EYS: variants seen among roughly 807,000 people sequenced by gnomAD.
EYS encodes protein eyes shut homolog.
Under a neutral mutation model 282.1 loss-of-function variants are expected in EYS, and 250 were observed. The ratio of observed to expected loss-of-function variants is 0.89; its 90% CI spans 0.80 to 0.98. The LOEUF (loss-of-function observed/expected upper bound fraction) is 0.98, where lower values mean the gene tolerates loss of function less well. Among genes scored for constraint, EYS ranks in the 50% least tolerant of loss-of-function variants. The pLI is 0.00. For missense variants in EYS, 4,016 were observed against 3,709.0 expected (o/e 1.08, Z -2.15); for synonymous variants, 1,355 against 1,282.9 (o/e 1.06, Z -1.20).
intron 31 of EYS, among the ~76,000 whole-genome samples, chr6:64,229,526 TC>T (rs778199892): frequency 1.3e-5 from 2 of 152,214 alleles, no homozygotes; most frequent in Non-Finnish European, 1.5e-5. Flanking sequence ...TAGTGATGTA[TC>T]TTCAGAGCAT....
At chr6:64,895,619 G>A (rs1288922438) in intron 18 of EYS, among the ~76,000 whole-genome samples, 2 of 152,174 alleles carry the variant, frequency 1.3e-5, no homozygotes, top group African/African-American at 4.8e-5. Flanking sequence ...TAAAGCAACA[G>A]AACAGCAATA....
chr6:65,122,334 G>GT (rs1303935216), intron 12 of EYS, among the ~76,000 whole-genome samples: 15 of 152,034 alleles, frequency 9.9e-5, no homozygotes, highest in Admixed American at 9.2e-4. Context: ...CACCCCACTT[G>GT]TTTTTTCCTA....
intron 29 of EYS, among the ~76,000 whole-genome samples, chr6:64,320,502 A>G (rs187393539): frequency 6.6e-6 from 1 of 151,708 alleles, no homozygotes; most frequent in African/African-American, 2.4e-5. Flanking sequence ...TTTTATCTTT[A>G]GATGTTCTAC....
intron 5 of EYS, among the ~76,000 whole-genome samples, chr6:65,452,973 T>C (rs1764461193): frequency 6.6e-6 from 1 of 152,014 alleles, no homozygotes; most frequent in African/African-American, 2.4e-5. Flanking sequence ...ACAGACAAGC[T>C]CCGTAAGGTT....
intron 22 of EYS, among the ~76,000 whole-genome samples, chr6:64,671,870 CATTATT>C (rs894797664): frequency 6.6e-6 from 1 of 151,840 alleles, no homozygotes; most frequent in African/African-American, 2.4e-5. Flanking sequence ...CCAAAAACAA[CATTATT>C]ATTAAGTATG....
intron 22 of EYS, among the ~76,000 whole-genome samples, chr6:64,708,204 A>G (rs1771097367): frequency 6.6e-6 from 1 of 152,252 alleles, no homozygotes; most frequent in Admixed American, 6.5e-5. Context: ...TCTAGCTTAA[A>G]TAATTGGTTG....
intron 12 of EYS, among the ~76,000 whole-genome samples, chr6:65,121,047 T>C (rs1361654072): frequency 2.0e-5 from 3 of 152,132 alleles, no homozygotes; most frequent in Non-Finnish European, 2.9e-5. Flanking sequence ...GAATTCATTA[T>C]GTCCCTGAGC....
At chr6:65,522,360 G>A (rs938816320) in intron 2 of EYS, among the ~76,000 whole-genome samples, 4 of 152,100 alleles carry the variant, frequency 2.6e-5, no homozygotes, top group African/African-American at 9.7e-5. Flanking sequence ...CAGCACTTTG[G>A]GAGGCTGAGG....
intron 26 of EYS, among the ~76,000 whole-genome samples, chr6:64,499,653 TC>T (rs1776981255): frequency 6.6e-6 from 1 of 152,126 alleles, no homozygotes; most frequent in African/African-American, 2.4e-5. Context: ...GCTGCTTTCT[TC>T]TTTGTACTTA....
At chr6:64,931,254 T>C (rs1768713300) in intron 15 of EYS, among the ~76,000 whole-genome samples, 1 of 152,168 alleles carries the variant, frequency 6.6e-6, no homozygotes, top group Non-Finnish European at 1.5e-5. Context: ...TATTAAAATA[T>C]GCAATTTTAA....
At chr6:65,195,632 C>T (rs1437491714) in intron 12 of EYS, among the ~76,000 whole-genome samples, 1 of 152,000 alleles carries the variant, frequency 6.6e-6, no homozygotes, top group Non-Finnish European at 1.5e-5. Flanking sequence ...GAACAGAGAG[C>T]TAAGTATATT....
chr6:64,396,402 T>TC (rs1773378629), intron 28 of EYS, among the ~76,000 whole-genome samples: 1 of 152,236 alleles, frequency 6.6e-6, no homozygotes, highest in South Asian at 2.1e-4. Context: ...TCTTTTTACT[T>TC]TGGGTATCTT....
intron 22 of EYS, among the ~76,000 whole-genome samples, chr6:64,697,356 C>A (rs928173355): frequency 6.6e-6 from 1 of 152,028 alleles, no homozygotes; most frequent in South Asian, 2.1e-4. Context: ...AATACATATG[C>A]ACCCCAAACT....
intron 19 of EYS, among the ~76,000 whole-genome samples, chr6:64,832,744 T>A (rs1209862576): frequency 1.3e-5 from 2 of 151,908 alleles, no homozygotes; most frequent in African/African-American, 4.8e-5. Flanking sequence ...ATGCACATAT[T>A]AAATGTATGT....
intron 22 of EYS, among the ~76,000 whole-genome samples, chr6:64,812,927 T>C (rs1383384951): frequency 6.6e-6 from 1 of 152,034 alleles, no homozygotes; most frequent in Non-Finnish European, 1.5e-5. Flanking sequence ...ATATAGTGAT[T>C]GATAGAATAA....
intron 29 of EYS, among the ~76,000 whole-genome samples, chr6:64,373,362 C>G (rs749075619): frequency 6.6e-6 from 1 of 152,196 alleles, no homozygotes; most frequent in Non-Finnish European, 1.5e-5. Flanking sequence ...TCCATGCCCA[C>G]ATTTCTTTTG....
chr6:64,246,886 C>A (rs1450194709), intron 30 of EYS, among the ~76,000 whole-genome samples: 3 of 151,914 alleles, frequency 2.0e-5, no homozygotes, highest in Admixed American at 6.5e-5. Context: ...TGAGGGAATG[C>A]AGGAAATTAA....
chr6:64,792,418 A>G (rs368119665), intron 22 of EYS, among the ~76,000 whole-genome samples: 3 of 151,920 alleles, frequency 2.0e-5, no homozygotes, highest in African/African-American at 7.2e-5. Context: ...ATTTTTAGAC[A>G]CCAAGTTTAT....
chr6:65,240,994 T>A (rs1767044546), intron 12 of EYS, among the ~76,000 whole-genome samples: 2 of 152,176 alleles, frequency 1.3e-5, no homozygotes, highest in Admixed American at 6.5e-5. Context: ...AGTGTTTTCC[T>A]AAAACATTTT....
Sources: gnomAD v4.1 joint callset for allele counts (sites outside exome capture counted in the v4.1 genomes callset) on GRCh38, gnomAD v4.1.1 for gene constraint, MANE v1.5 for transcripts, NCBI Gene and HGNC (gene_info 2026-07-23, HGNC 2026-07-21) for gene names.